GNA12: variants seen among roughly 807,000 people sequenced by gnomAD.
GNA12 encodes G protein subunit alpha 12, also known as guanine nucleotide-binding protein subunit alpha-12.
In GNA12, 9 loss-of-function variants were observed where a neutral mutation model predicts 26.0. The ratio of observed to expected loss-of-function variants is 0.35; its 90% confidence interval spans 0.21 to 0.60. GNA12 has a LOEUF of 0.60. Among genes scored for constraint, GNA12 ranks in the 20% least tolerant of loss-of-function variants. The pLI, the probability that GNA12 is intolerant of heterozygous loss-of-function variation, is 0.78. For synonymous variants in GNA12, 264 were observed against 219.6 expected, an observed-to-expected ratio of 1.20 and a Z score of -1.79; for missense variants, 405 against 525.8, an observed-to-expected ratio of 0.77 and a Z score of 2.25.
chr7:2,737,281 TTTTTTTTG>T (rs1458418149), intron 2 of GNA12, among the ~76,000 whole-genome samples: 7,521 of 69,398 alleles, frequency 0.11, 446 homozygotes, highest in Middle Eastern at 0.16. Context: ...TTTGTTTTTT[TTTTTTTTG>T]TTTTTTTTTT....
intron 1 of GNA12, among the ~76,000 whole-genome samples, chr7:2,804,972 A>T (rs1362485114): frequency 6.6e-6 from 1 of 151,918 alleles, no homozygotes; most frequent in Non-Finnish European, 1.5e-5. Context: ...GCTTTTGATT[A>T]TCAAACATGA....
chr7:2,758,528 G>A (rs190584986), intron 2 of GNA12, among the ~76,000 whole-genome samples: 10 of 152,212 alleles, frequency 6.6e-5, no homozygotes, highest in Middle Eastern at 3.4e-3. Flanking sequence ...GTGATGGAAC[G>A]TATCTCCTGT....
intron 1 of GNA12, among the ~76,000 whole-genome samples, chr7:2,804,442 G>T (rs1792892799): frequency 6.6e-6 from 1 of 152,164 alleles, no homozygotes. Flanking sequence ...ACTATGGTCT[G>T]AGTGCCACTG....
intron 1 of GNA12, among the ~76,000 whole-genome samples, chr7:2,799,327 C>T (rs1792752765): frequency 6.6e-6 from 1 of 152,198 alleles, no homozygotes; most frequent in Non-Finnish European, 1.5e-5. Context: ...CGCCTGTAAT[C>T]CCAACACTTT....
chr7:2,733,028 G>A (rs1333360548), intron 3 of GNA12, among the ~76,000 whole-genome samples: 2 of 152,154 alleles, frequency 1.3e-5, no homozygotes, highest in African/African-American at 2.4e-5. Flanking sequence ...GTCATTTTTC[G>A]TCTTGTCTTT....
intron 1 of GNA12, among the ~76,000 whole-genome samples, chr7:2,796,845 C>T (rs1341446906): frequency 6.6e-6 from 1 of 152,216 alleles, no homozygotes; most frequent in African/African-American, 2.4e-5. Context: ...GCAAAAACAG[C>T]ACCCCCTGAG....
intron 2 of GNA12, among the ~76,000 whole-genome samples, chr7:2,747,293 C>T (rs1338563008): frequency 1.3e-5 from 2 of 152,138 alleles, no homozygotes; most frequent in Non-Finnish European, 2.9e-5. Context: ...AAAAGCAAAC[C>T]CAGCAGCACA....
rs193300890 is a variant in GNA12 at position 2,755,829 on chromosome 7, C to T, written c.526-22328G>A. Among the ~76,000 whole-genome samples the T allele has an allele frequency of 1.8e-3, 272 of 152,198 alleles. 3 individuals carry two copies. Among genetic ancestry groups the T allele is most frequent in the African/African-American group, 6.1e-3 (253 of 41,530 alleles). ...AACACTTGGGCAAAAAATTTGAAAC[C>T]TAAATAATTGGAGAGTTATGTCATA... On this transcript the variant is annotated intron_variant, in intron 2 of 3. Coordinates refer to ENST00000275364, the MANE Select transcript of GNA12 (RefSeq NM_007353.3).
At chr7:2,837,175 G>C (rs1778861521) in intron 1 of GNA12, among the ~76,000 whole-genome samples, 1 of 133,838 alleles carries the variant, frequency 7.5e-6, no homozygotes, top group Non-Finnish European at 1.6e-5. Flanking sequence ...GCCCAGTGGG[G>C]AAGTGCACCC....
chr7:2,777,387 G>A (rs1369638155), intron 2 of GNA12, among the ~76,000 whole-genome samples: 1 of 152,264 alleles, frequency 6.6e-6, no homozygotes, highest in Non-Finnish European at 1.5e-5. Flanking sequence ...GAAGCTATAT[G>A]TTTGGAAATG....
rs554528743 is a variant in GNA12, at chr7:2,744,568, A to G, written c.526-11067T>C. Among the ~76,000 whole-genome samples, 29 of 152,348 alleles carry G rather than the reference A, an allele frequency of 1.9e-4. No individual in the cohort carries two copies. The East Asian group carries it at 2.7e-3, about 14-fold the overall frequency. ...GGTAGAAAAGACCACAAAGATGGGG[A>G]AAAAACAGAGCAGAAAAACTGGAAA... On this transcript the variant is annotated intron_variant, in intron 2 of 3. Coordinates refer to ENST00000275364, the MANE Select transcript of GNA12 (RefSeq NM_007353.3).
At chr7:2,804,212 G>A (rs1207322157) in intron 1 of GNA12, among the ~76,000 whole-genome samples, 1 of 152,194 alleles carries the variant, frequency 6.6e-6, no homozygotes, top group Non-Finnish European at 1.5e-5. Context: ...CAGTGTTTTC[G>A]AAATTCAAGT....
intron 1 of GNA12, among the ~76,000 whole-genome samples, chr7:2,832,656 G>C (rs186861460): frequency 2.6e-5 from 4 of 152,212 alleles, no homozygotes; most frequent in African/African-American, 9.6e-5. Context: ...TGCTGCTGTG[G>C]TCTGATTTAA....
At chr7:2,756,670 A>T (rs1791313013) in intron 2 of GNA12, among the ~76,000 whole-genome samples, 1 of 152,216 alleles carries the variant, frequency 6.6e-6, no homozygotes, top group African/African-American at 2.4e-5. Flanking sequence ...TTAGGAAAAG[A>T]TTTCTGTGCT....
Position 2,783,809 on chromosome 7 carries a change from C to T in GNA12, c.525+11119G>A, listed in dbSNP as rs183428432. 7.4e-3 allele frequency among the ~76,000 whole-genome samples: 1,131 copies of T among 151,994 alleles called. 15 individuals carry two copies. Among genetic ancestry groups the T allele is most frequent in the African/African-American group, 0.024 (991 of 41,450 alleles). Reference sequence around the variant, plus strand: ...AAGCGATTCTCTTGCCTCAGCCTCCCGAGTAGGTGGGATTACAGGCACCCA... The same window carrying T: ...AAGCGATTCTCTTGCCTCAGCCTCCTGAGTAGGTGGGATTACAGGCACCCA... On this transcript the variant is annotated intron_variant, in intron 2 of 3. Coordinates refer to ENST00000275364, the MANE Select transcript of GNA12 (RefSeq NM_007353.3).
chr7:2,839,137 C>T (rs373485276), intron 1 of GNA12, among the ~76,000 whole-genome samples: 85 of 152,348 alleles, frequency 5.6e-4, no homozygotes, highest in African/African-American at 1.9e-3. Context: ...GGCCAGAAAA[C>T]AAACCAATAC....
chr7:2,791,947 ACAT>A (rs1342405137), intron 2 of GNA12, among the ~76,000 whole-genome samples: 4 of 152,182 alleles, frequency 2.6e-5, no homozygotes, highest in Non-Finnish European at 5.9e-5. Context: ...CAAGAATTTC[ACAT>A]CATCATCTCT....
chr7:2,778,501 C>T (rs1792135391), intron 2 of GNA12, among the ~76,000 whole-genome samples: 1 of 152,216 alleles, frequency 6.6e-6, no homozygotes, highest in Non-Finnish European at 1.5e-5. Flanking sequence ...TTACATAGAG[C>T]TGGAGGCTAA....
At chr7:2,810,382 C>T (rs376896765) in intron 1 of GNA12, among the ~76,000 whole-genome samples, 1 of 152,162 alleles carries the variant, frequency 6.6e-6, no homozygotes, top group African/African-American at 2.4e-5. Flanking sequence ...GCCCCACCCC[C>T]TAACACCAGC....
Sources: allele counts gnomAD v4.1 joint callset (sites outside exome capture counted in the v4.1 genomes callset), GRCh38; gene constraint gnomAD v4.1.1; transcripts MANE v1.5; gene names NCBI Gene and HGNC (gene_info 2026-07-23, HGNC 2026-07-21).